Variants in MGMT observed in about 807,000 individuals in gnomAD.
MGMT encodes the protein methylated-DNA--protein-cysteine methyltransferase.
MGMT carries 14 observed loss-of-function variants against 15.9 expected under a neutral mutation model. That is an observed-to-expected ratio of 0.88 (90% CI 0.58 to 1.37). The LOEUF is 1.37. Among genes scored for constraint, MGMT ranks in the 40% most tolerant of loss-of-function variants. MGMT has a pLI of 0.00. For missense variants in MGMT, 282 were observed against 268.1 expected, an observed-to-expected ratio of 1.05 and a Z score of -0.36; for synonymous variants, 130 against 118.2, an observed-to-expected ratio of 1.10 and a Z score of -0.65.
At chr10:129,699,622 TGGGGTTGAA>T (rs1490974222) in intron 2 of MGMT, among the ~76,000 whole-genome samples, 6 of 152,174 alleles carry the variant, frequency 3.9e-5, no homozygotes, top group Non-Finnish European at 8.8e-5. Flanking sequence ...CATTTTGGGA[TGGGGTTGAA>T]GGCATAAAAG....
rs908335587 is a variant in MGMT, at chr10:129,659,402, G to A, written c.126-48493G>A. Reference sequence around the variant, plus strand: ...ACTCAGATGTAGCTGTCTCTGCCTGGGTTGTTTTCTAAATGCGTTTGGCTG... The same window carrying A: ...ACTCAGATGTAGCTGTCTCTGCCTGAGTTGTTTTCTAAATGCGTTTGGCTG... On this transcript the variant is annotated intron_variant, in intron 2 of 4. Coordinates refer to ENST00000651593, the MANE Select transcript of MGMT (RefSeq NM_002412.5). This position sits in a 1 kb window ranked among gnomAD's most constrained non-coding sequence, Gnocchi z 4.1. Among the ~76,000 whole-genome samples the A allele has an allele frequency of 3.3e-5, 5 of 151,754 alleles. No homozygotes were observed. Among genetic ancestry groups the A allele is most frequent in the Non-Finnish European group, 5.9e-5 (4 of 68,016 alleles).
At chr10:129,593,128 G>T (rs1846709137) in intron 2 of MGMT, among the ~76,000 whole-genome samples, 1 of 152,154 alleles carries the variant, frequency 6.6e-6, no homozygotes, top group African/African-American at 2.4e-5. Flanking sequence ...TCTTCTCAGG[G>T]CTCAGGTGTC....
chr10:129,665,651 T>A (rs1282454602), intron 2 of MGMT, among the ~76,000 whole-genome samples: 1 of 152,026 alleles, frequency 6.6e-6, no homozygotes, highest in Non-Finnish European at 1.5e-5. Context: ...CCACAGGAAG[T>A]GCTTAGGATG....
At chr10:129,634,857 G>C (rs1335745966) in intron 2 of MGMT, among the ~76,000 whole-genome samples, 3 of 152,044 alleles carry the variant, frequency 2.0e-5, no homozygotes, top group African/African-American at 7.3e-5. Flanking sequence ...CTGCTTCTTT[G>C]TGTGCCTGGT....
intron 2 of MGMT, among the ~76,000 whole-genome samples, chr10:129,693,316 T>C (rs1451493193): frequency 6.6e-6 from 1 of 152,248 alleles, no homozygotes; most frequent in Non-Finnish European, 1.5e-5. Context: ...TTCTGTAATA[T>C]TAATTTGCAA....
intron 1 of MGMT, among the ~76,000 whole-genome samples, chr10:129,484,973 A>T (rs1845394302): frequency 6.6e-6 from 1 of 150,616 alleles, no homozygotes; most frequent in Admixed American, 6.6e-5. Context: ...TGTATTAAAT[A>T]TATATGTATT....
At chr10:129,595,951 C>T (rs528241784) in intron 2 of MGMT, among the ~76,000 whole-genome samples, 3 of 152,154 alleles carry the variant, frequency 2.0e-5, no homozygotes, top group South Asian at 2.1e-4. Flanking sequence ...GGGACAATCA[C>T]GTAAGACATA....
chr10:129,653,079 C>T (rs1432445453), intron 2 of MGMT, among the ~76,000 whole-genome samples: 1 of 152,142 alleles, frequency 6.6e-6, no homozygotes, highest in Non-Finnish European at 1.5e-5. Context: ...AATGCTTGGT[C>T]GTCCGGTCGG....
rs1289777204 is a variant in MGMT, at chr10:129,556,043, A to T, written c.125+19666A>T. Among the ~76,000 whole-genome samples the T allele has an allele frequency of 1.3e-5, 2 of 152,154 alleles. No individual in the cohort carries two copies. The highest frequency in any genetic ancestry group is 2.9e-5 in the Non-Finnish European group (2 of 68,026). ...TTCAGAAACCATCATCAGCTGTGAA[A>T]TGTGGGCTTCCAAGTGGTTTTGTGT... On this transcript the variant is annotated intron_variant, in intron 2 of 4. Coordinates refer to ENST00000651593, the MANE Select transcript of MGMT (RefSeq NM_002412.5). This position sits in a 1 kb window ranked among gnomAD's most constrained non-coding sequence, Gnocchi z 4.3.
At chr10:129,758,781 T>C (rs1848836172) in intron 3 of MGMT, among the ~76,000 whole-genome samples, 1 of 152,198 alleles carries the variant, frequency 6.6e-6, no homozygotes, top group Non-Finnish European at 1.5e-5. Context: ...TGCTTTTGCC[T>C]TCTTTGTCCC....
At chr10:129,702,588 C>T (rs1214234406) in intron 2 of MGMT, among the ~76,000 whole-genome samples, 2 of 152,126 alleles carry the variant, frequency 1.3e-5, no homozygotes, top group Non-Finnish European at 2.9e-5. Flanking sequence ...AAAGTCTTGT[C>T]TCCTGCAGGG....
chr10:129,701,948 G>A (rs1001436656), intron 2 of MGMT: 2 of 152,240 alleles, frequency 1.3e-5, no homozygotes, highest in African/African-American at 4.8e-5. Flanking sequence ...TAGCTGCTGT[G>A]CTCATATGAG....
At chr10:129,760,059 G>A (rs562414268) in intron 4 of MGMT, among the ~76,000 whole-genome samples, 2 of 152,372 alleles carry the variant, frequency 1.3e-5, no homozygotes, top group South Asian at 4.1e-4. Context: ...GCTCCCCAGA[G>A]GACAAGGCCC....
At chr10:129,521,279 C>G (rs1845807224) in intron 1 of MGMT, among the ~76,000 whole-genome samples, 1 of 152,254 alleles carries the variant, frequency 6.6e-6, no homozygotes, top group East Asian at 1.9e-4. Flanking sequence ...GGATTTCAAT[C>G]CGTGTGTCCC....
intron 2 of MGMT, among the ~76,000 whole-genome samples, chr10:129,554,255 CA>C (rs1230082988): frequency 1.3e-5 from 2 of 152,182 alleles, no homozygotes; most frequent in African/African-American, 4.8e-5. Context: ...CTCCTTTTAG[CA>C]AATACAGAAA....
intron 2 of MGMT, among the ~76,000 whole-genome samples, chr10:129,684,153 C>T (rs1847881882): frequency 6.6e-6 from 1 of 152,256 alleles, no homozygotes; most frequent in Admixed American, 6.5e-5. Flanking sequence ...CGACAGCTAT[C>T]TAAACCACTT....
chr10:129,739,491 C>T (rs148155344), intron 3 of MGMT, among the ~76,000 whole-genome samples: 11 of 152,292 alleles, frequency 7.2e-5, no homozygotes, highest in East Asian at 3.9e-4. Context: ...AGGAGGTGCA[C>T]GTGCTGTGCT....
At chr10:129,681,198 TC>T (rs1291663874) in intron 2 of MGMT, among the ~76,000 whole-genome samples, 1 of 152,236 alleles carries the variant, frequency 6.6e-6, no homozygotes, top group Non-Finnish European at 1.5e-5. Context: ...CTGGGACACT[TC>T]CATGTCACTC....
intron 3 of MGMT, among the ~76,000 whole-genome samples, chr10:129,737,552 C>G (rs962533464): frequency 7.9e-5 from 12 of 152,246 alleles, no homozygotes; most frequent in Admixed American, 4.6e-4. Flanking sequence ...CTTCTCTCAA[C>G]TCGTCAAAGT....
Sources: gnomAD v4.1 joint callset for allele counts (sites outside exome capture counted in the v4.1 genomes callset) on GRCh38, gnomAD v4.1.1 for gene constraint, Gnocchi (gnomAD v3.1) non-coding constraint, MANE v1.5 for transcripts, NCBI Gene and HGNC (gene_info 2026-07-23, HGNC 2026-07-21) for gene names.